The following GPHN variants were observed in gnomAD, a reference collection of about 807,000 sequenced individuals.
The protein encoded by GPHN is gephyrin.
GPHN carries 17 observed loss-of-function variants against 95.5 expected under a neutral mutation model. The observed-to-expected ratio is 0.18, with a 90% CI of 0.12 to 0.27. The LOEUF (loss-of-function observed/expected upper bound fraction) is 0.27, where lower values mean the gene tolerates loss of function less well. Among genes scored for constraint, GPHN ranks in the 10% least tolerant of loss-of-function variants. The probability of loss-of-function intolerance (pLI) is 1.00; values close to 1 mark genes in which losing one functional copy is unlikely to be tolerated. For missense variants in GPHN, 660 were observed against 978.1 expected (o/e 0.67, Z 4.34); for synonymous variants, 320 against 322.5 (o/e 0.99, Z 0.08).
intron 2 of GPHN, among the ~76,000 whole-genome samples, chr14:66,694,150 TGATTTA>T (rs2067970172): frequency 1.3e-5 from 2 of 151,564 alleles, no homozygotes; most frequent in Admixed American, 6.6e-5. Flanking sequence ...CTTTGGGAGG[TGATTTA>T]GTCATGAGGG....
chr14:66,614,771 A>C (rs1221932187), intron 1 of GPHN, among the ~76,000 whole-genome samples: 1 of 152,016 alleles, frequency 6.6e-6, no homozygotes, highest in Non-Finnish European at 1.5e-5. Flanking sequence ...AAAAAATGGG[A>C]TACATATGCA....
the GPHN span, chr14:67,647,759 T>C: frequency 1.2e-5 from 4 of 320,780 alleles, no homozygotes; most frequent in Non-Finnish European, 1.7e-5. Flanking sequence ...GTTATTAGTA[T>C]AAGAGGTTCT....
the GPHN span, among the ~76,000 whole-genome samples, chr14:67,358,603 G>A: frequency 6.6e-6 from 1 of 152,198 alleles, no homozygotes; most frequent in African/African-American, 2.4e-5. Flanking sequence ...GGGAGGCTGA[G>A]GCCGGAGGAT....
intron 4 of GPHN, among the ~76,000 whole-genome samples, chr14:66,827,604 TATGTAACTTATGTAACTACCAA>T (rs145473814): frequency 0.29 from 44,846 of 152,026 alleles, 10,701 homozygotes; most frequent in African/African-American, 0.63. Flanking sequence ...TATTTGTTGC[TATGTAACTTATGTAACTACCAA>T]ATGGACACAT....
At chr14:67,566,063 G>C in the GPHN span, among the ~76,000 whole-genome samples, 57 of 152,336 alleles carry the variant, frequency 3.7e-4, no homozygotes, top group Middle Eastern at 3.4e-3. Context: ...AGGTTGCAGT[G>C]AGCTGAGATT....
the GPHN span, among the ~76,000 whole-genome samples, chr14:67,248,927 T>C: frequency 1.3e-5 from 2 of 152,106 alleles, no homozygotes; most frequent in African/African-American, 4.8e-5. Flanking sequence ...CCTAAAGTGC[T>C]GGGATTACAG....
intron 2 of GPHN, among the ~76,000 whole-genome samples, chr14:66,702,942 G>A (rs1220431869): frequency 6.6e-6 from 1 of 152,048 alleles, no homozygotes; most frequent in Non-Finnish European, 1.5e-5. Context: ...ATTTAGAAAG[G>A]AGCATAAATG....
intron 1 of GPHN, among the ~76,000 whole-genome samples, chr14:66,591,283 A>T: frequency 6.6e-6 from 1 of 152,158 alleles, no homozygotes; most frequent in East Asian, 1.9e-4. Flanking sequence ...CCTATTCAAC[A>T]TAGTATTGGA....
intron 2 of GPHN, among the ~76,000 whole-genome samples, chr14:66,749,260 G>T (rs576745300): frequency 6.6e-6 from 1 of 151,900 alleles, no homozygotes; most frequent in African/African-American, 2.4e-5. Flanking sequence ...GGACATCTTC[G>T]TTGTTTACAA....
At chr14:67,431,096 A>G in the GPHN span, among the ~76,000 whole-genome samples, 1 of 152,182 alleles carries the variant, frequency 6.6e-6, no homozygotes, top group Non-Finnish European at 1.5e-5. Flanking sequence ...AAGAGCAGAT[A>G]AAAAGGGTTC....
At chr14:67,008,260 T>C (rs893257842) in intron 9 of GPHN, among the ~76,000 whole-genome samples, 6 of 151,968 alleles carry the variant, frequency 3.9e-5, no homozygotes, top group African/African-American at 1.5e-4. Flanking sequence ...AAGACCAGCC[T>C]GACCAACATG....
At chr14:66,992,987 A>G (rs2071534876) in intron 9 of GPHN, among the ~76,000 whole-genome samples, 1 of 152,152 alleles carries the variant, frequency 6.6e-6, no homozygotes, top group South Asian at 2.1e-4. Flanking sequence ...ATTTAAACAG[A>G]AATGTTTGCT....
At chr14:66,628,191 C>G (rs2063594485) in intron 1 of GPHN, among the ~76,000 whole-genome samples, 1 of 152,090 alleles carries the variant, frequency 6.6e-6, no homozygotes, top group South Asian at 2.1e-4. Context: ...AACACCAGTA[C>G]TTTGATTATA....
intron 1 of GPHN, among the ~76,000 whole-genome samples, chr14:66,538,939 CT>C (rs2059243293): frequency 6.6e-6 from 1 of 152,030 alleles, no homozygotes; most frequent in Non-Finnish European, 1.5e-5. Flanking sequence ...GATGATTCCC[CT>C]TTTTAGTTGT....
chr14:66,544,338 C>T (rs532179132), intron 1 of GPHN, among the ~76,000 whole-genome samples: 27 of 152,294 alleles, frequency 1.8e-4, no homozygotes, highest in African/African-American at 5.8e-4. Context: ...ATCCTCTTTG[C>T]CTGTTCTGTT....
the GPHN span, chr14:67,321,193 T>C: frequency 6.2e-7 from 1 of 1,614,218 alleles, no homozygotes; most frequent in East Asian, 2.2e-5. Flanking sequence ...TGTATGGAAC[T>C]AGCATAGATT....
At chr14:67,720,536 G>A in the GPHN span, among the ~76,000 whole-genome samples, 1 of 152,158 alleles carries the variant, frequency 6.6e-6, no homozygotes, top group Non-Finnish European at 1.5e-5. Context: ...TTTCCCAGCT[G>A]GATACCTAGG....
Position 67,122,300 on chromosome 14 carries a change from C to A in GPHN, c.1671C>A (p.Asp557Glu). The part of the protein sequence containing the change: ...EDDLLPGKIR[D>E]SNRSTLLATI... Reference sequence around the variant, plus strand: ...ACCTCTTACCAGGGAAGATTCGAGACAGCAATCGTTCAACTCTTCTAGCAA... The same window carrying A: ...ACCTCTTACCAGGGAAGATTCGAGAAAGCAATCGTTCAACTCTTCTAGCAA... The change falls in exon 17 of 23, where the codon GAC becomes GAA. Residue 557 changes from aspartate (D) to glutamate (E), a missense_variant. Physicochemically the swap from Asp to Glu is conservative, Grantham distance 45. Around this residue, in one of 6 missense-constraint regions of GPHN, gnomAD observed 257 missense variants for 376.2 expected, o/e 0.68. Coordinates refer to ENST00000478722, the MANE Select transcript of GPHN (RefSeq NM_020806.5). The A allele has an allele frequency of 1.9e-6, 3 of 1,613,102 alleles. No individual in the cohort carries two copies. Among genetic ancestry groups the A allele is most frequent in the Non-Finnish European group, 1.7e-6 (2 of 1,179,140 alleles).
chr14:67,256,651 G>A, the GPHN span, among the ~76,000 whole-genome samples: 1 of 151,992 alleles, frequency 6.6e-6, no homozygotes, highest in Non-Finnish European at 1.5e-5. Context: ...AGATTCAAGT[G>A]ATTCTCGTGC....
Sources: allele counts gnomAD v4.1 joint callset (sites outside exome capture counted in the v4.1 genomes callset), GRCh38; gene constraint gnomAD v4.1.1; regional missense constraint gnomAD v4.1.1; transcripts MANE v1.5; gene names NCBI Gene and HGNC (gene_info 2026-07-23, HGNC 2026-07-21).